INTS10: variants seen among roughly 807,000 people sequenced by gnomAD.
INTS10 encodes the protein chromosome 8 open reading frame 35.
Under a neutral mutation model 94.4 loss-of-function variants are expected in INTS10, and 44 were observed. The observed-to-expected ratio is 0.47, with a 90% CI of 0.37 to 0.60. INTS10 has a LOEUF of 0.60. INTS10 is among the 20% of genes least tolerant of loss of function. The probability of loss-of-function intolerance (pLI) is 0.00; values close to 1 mark genes in which losing one functional copy is unlikely to be tolerated. For synonymous variants in INTS10, 341 were observed against 320.7 expected, an observed-to-expected ratio of 1.06 and a Z score of -0.68; for missense variants, 797 against 868.7, an observed-to-expected ratio of 0.92 and a Z score of 1.04.
intron 12 of INTS10, among the ~76,000 whole-genome samples, chr8:19,835,645 C>T (rs1430824014): frequency 1.3e-5 from 2 of 152,116 alleles, no homozygotes; most frequent in Non-Finnish European, 2.9e-5. Flanking sequence ...TCTGTGACAT[C>T]GGTAGGTTAC....
rs193014714 is a variant in INTS10 at position 19,851,426 on chromosome 8, G to A, written c.1977-223G>A. 2.0e-5 allele frequency among the ~76,000 whole-genome samples: 3 copies of A among 152,342 alleles called. No individual in the cohort carries two copies. The East Asian group carries it at 5.8e-4, about 29-fold the overall frequency. On this transcript the variant is annotated intron_variant, in intron 16 of 16. Coordinates refer to ENST00000397977, the MANE Select transcript of INTS10 (RefSeq NM_018142.4). The surrounding 1 kb of genome is among the most constrained non-coding windows in gnomAD (Gnocchi z 5.0). ...TTTACTGAACAATTAAATGTTTGAA[G>A]TAACCTTTTATAGAGTGAGAAAGAT...
intron 13 of INTS10, among the ~76,000 whole-genome samples, chr8:19,839,966 G>A (rs1033116188): frequency 6.7e-6 from 1 of 149,466 alleles, no homozygotes. Context: ...AGGAGGTTGA[G>A]GTGGGAGAAT....
chr8:19,818,383 T>G (rs929952498), intron 2 of INTS10, 41 bp downstream of exon 2: 1 of 1,587,756 alleles, frequency 6.3e-7, no homozygotes, highest in African/African-American at 1.3e-5. Flanking sequence ...GCACTGAATC[T>G]CTCCATGAGG....
In INTS10 at chr8:19,843,460, A is replaced by C. The variant is rs2068305873; in HGVS notation, c.1719+533A>C. Among the ~76,000 whole-genome samples the C allele has an allele frequency of 6.6e-6, 1 of 152,208 alleles. No homozygotes were observed. Among genetic ancestry groups the C allele is most frequent in the African/African-American group, 2.4e-5 (1 of 41,452 alleles). On this transcript the variant is annotated intron_variant, in intron 14 of 16. Transcript: ENST00000397977. This position sits in a 1 kb window ranked among gnomAD's most constrained non-coding sequence, Gnocchi z 4.7. ...CTGGAAGGTTTGTTGGCCAGAGAGTAAAACATTGGGTCTCCACTTCAGTGC... is the reference window on the plus strand; with the variant it reads ...CTGGAAGGTTTGTTGGCCAGAGAGTCAAACATTGGGTCTCCACTTCAGTGC...
intron 9 of INTS10, among the ~76,000 whole-genome samples, chr8:19,829,402 G>T (rs924354749): frequency 6.6e-6 from 1 of 151,456 alleles, no homozygotes; most frequent in Admixed American, 6.6e-5. Flanking sequence ...TCTACCCAGC[G>T]GTATTTCCAA....
chr8:19,845,574 T>C (rs971477270), intron 15 of INTS10, 130 bp from the exon 16 acceptor site: 10 of 663,880 alleles, frequency 1.5e-5, no homozygotes, highest in African/African-American at 5.4e-5. Context: ...CATTTCCTTA[T>C]CAGAGAGAAC....
intron 1 of INTS10, 142 bp downstream of exon 1, chr8:19,817,808 C>T: frequency 9.3e-7 from 1 of 1,075,502 alleles, no homozygotes. Flanking sequence ...CCACCCCCTC[C>T]TCTCTCCCCT....
At position 19,843,059 on chromosome 8, in the gene INTS10, G is replaced by C. The variant is rs575396116; in HGVS notation, c.1719+132G>C. ...AGGGCAGGCCCAAACAGTTAGAAAA[G>C]CACATGGGCTACTAATTAACAAATC... is the stretch of plus-strand genomic sequence containing the variant. On this transcript the variant is annotated intron_variant, in intron 14 of 16. Transcript: ENST00000397977. The surrounding 1 kb of genome is among the most constrained non-coding windows in gnomAD (Gnocchi z 4.7). 97 of 641,452 alleles carry C rather than the reference G, an allele frequency of 1.5e-4. No homozygotes were observed. Among genetic ancestry groups the C allele is most frequent in the Non-Finnish European group, 2.4e-4 (88 of 363,420 alleles). 39.7% of individuals were successfully genotyped at this position (641,452 alleles called of 1,614,324 possible). A position where few individuals can be genotyped will look rare whatever the true frequency, so the allele number is the denominator to read the frequency against.
Position 19,820,403 on chromosome 8 carries a change from G to A in INTS10, c.326G>A (p.Arg109Gln), listed in dbSNP as rs1409479082. The change falls in exon 4 of 17, where the codon CGG becomes CAG. Residue 109 changes from arginine to glutamine, a missense_variant. Arg to Gln is a conservative substitution (Grantham distance 43, BLOSUM62 1). Around this residue, in one of 3 missense-constraint regions of INTS10, gnomAD observed 734 missense variants for 787.8 expected, o/e 0.93. Coordinates refer to ENST00000397977, the MANE Select transcript of INTS10 (RefSeq NM_018142.4). ...LRSLFETLPG[R>Q]VQCEMLLKVT... ...GGTTTATTTGAAACTCTTCCTGGTC[G>A]GGTCCAGTGTGAAATGTTACTAAAG... 3 of 1,611,008 alleles carry A rather than the reference G, an allele frequency of 1.9e-6. No homozygotes were observed. The highest frequency in any genetic ancestry group is 8.5e-7 in the Non-Finnish European group (1 of 1,177,818).
Position 19,849,762 on chromosome 8 carries a change from A to G in INTS10, c.1977-1887A>G, listed in dbSNP as rs2068870813. Among the ~76,000 whole-genome samples, 1 of 152,200 alleles carries G rather than the reference A, an allele frequency of 6.6e-6. No homozygotes were observed. Among genetic ancestry groups the G allele is most frequent in the African/African-American group, 2.4e-5 (1 of 41,438 alleles). Reference sequence around the variant, plus strand: ...AATTGAAAATATTTGATAGGCTAAAATGCCACATTTATTAGCTGGTTTATC... The same window carrying G: ...AATTGAAAATATTTGATAGGCTAAAGTGCCACATTTATTAGCTGGTTTATC... On this transcript the variant is annotated intron_variant, in intron 16 of 16. Coordinates refer to ENST00000397977, the MANE Select transcript of INTS10 (RefSeq NM_018142.4). This position sits in a 1 kb window ranked among gnomAD's most constrained non-coding sequence, Gnocchi z 4.6.
chr8:19,849,208 G>C lies in INTS10; in HGVS notation c.1977-2441G>C. 1 of 1,289,676 alleles carries C rather than the reference G, an allele frequency of 7.8e-7. No individual in the cohort carries two copies. Among genetic ancestry groups the C allele is most frequent in the Non-Finnish European group, 1.0e-6 (1 of 988,788 alleles). The allele number at this position is 1,289,676 out of a possible 1,614,324, so 79.9% of individuals were successfully genotyped here. ...GTTACTGCAGCAGGAATTCTTACCT[G>C]TGCTTCAGCCCAGCATACAGACTGC... On this transcript the variant is annotated intron_variant, in intron 16 of 16. Transcript: ENST00000397977. This position sits in a 1 kb window ranked among gnomAD's most constrained non-coding sequence, Gnocchi z 4.6.
rs371723527 is a variant in INTS10 at position 19,823,400 on chromosome 8, A to T, written c.623A>T (p.Asn208Ile). The T allele has an allele frequency of 6.2e-7, 1 of 1,606,472 alleles. No homozygotes were observed. Among genetic ancestry groups the T allele is most frequent in the African/African-American group, 1.3e-5 (1 of 74,780 alleles). Reference sequence around the variant, plus strand: ...AACAAAGCAGCTGAATTTTATATCAATTATGTCACTAGGTCTACTCAAATA... The same window carrying T: ...AACAAAGCAGCTGAATTTTATATCATTTATGTCACTAGGTCTACTCAAATA... Reference protein sequence around the residue: ...YLNKAAEFYINYVTRSTQIEN... With the variant: ...YLNKAAEFYIIYVTRSTQIEN... Residue 208 changes from asparagine (N) to isoleucine (I), a missense_variant, in exon 6 of 17, where the codon AAT becomes ATT. This residue lies in a region of INTS10 where 734 missense variants were observed against 787.8 expected (regional missense o/e 0.93). Transcript: ENST00000397977.
chr8:19,842,829 C>A lies in INTS10; in HGVS notation c.1640-19C>A. On this transcript the variant is annotated intron_variant, in intron 13 of 16. Coordinates refer to ENST00000397977, the MANE Select transcript of INTS10 (RefSeq NM_018142.4). Reference sequence around the variant, plus strand: ...TTGATAATAACATACATTAACCTAACATTGTGGACTTCTGTTAGGTTCGGA... The same window carrying A: ...TTGATAATAACATACATTAACCTAAAATTGTGGACTTCTGTTAGGTTCGGA... The A allele has an allele frequency of 6.4e-7, 1 of 1,570,440 alleles. No individual in the cohort carries two copies. Among genetic ancestry groups the A allele is most frequent in the Non-Finnish European group, 8.8e-7 (1 of 1,141,722 alleles).
chr8:19,829,365 AT>A (rs56091429), intron 9 of INTS10, among the ~76,000 whole-genome samples: 9,903 of 150,376 alleles, frequency 0.066, 386 homozygotes, highest in Non-Finnish European at 0.077. Flanking sequence ...TTACCTTTAC[AT>A]TTTTTTTTTT....
chr8:19,833,088 G>A (rs372545589), intron 11 of INTS10, 81 bp from the exon 12 acceptor site: 26 of 1,275,986 alleles, frequency 2.0e-5, no homozygotes, highest in Middle Eastern at 4.0e-4. Flanking sequence ...TCGTTGCTTC[G>A]TGAACCCTGG....
rs2068578901 is a variant in INTS10, at chr8:19,846,292, G to A, written c.1976+495G>A. Among the ~76,000 whole-genome samples, 1 of 151,948 alleles carries A rather than the reference G, an allele frequency of 6.6e-6. No individual in the cohort carries two copies. The highest frequency in any genetic ancestry group is 6.6e-5 in the Admixed American group (1 of 15,236). The stretch of plus-strand genomic sequence containing the variant: ...CAAAAAAAAAAAAAAAATTATGTGG[G>A]CATGATAGTGGGCACCTGTAATCCC... On this transcript the variant is annotated intron_variant, in intron 16 of 16. Transcript: ENST00000397977. This position sits in a 1 kb window ranked among gnomAD's most constrained non-coding sequence, Gnocchi z 4.2.
rs2067734021 is a variant in INTS10, at chr8:19,837,215, A to AC, written c.1639+56dup. On this transcript the variant is annotated intron_variant, in intron 13 of 16. Coordinates refer to ENST00000397977, the MANE Select transcript of INTS10 (RefSeq NM_018142.4). ...TAAAAATAGCTTTAGAAAGCCAGGC[A>AC]CGGTGGCTCACACTTGTAATCTCAG... is the stretch of plus-strand genomic sequence containing the variant. 5.5e-6 allele frequency: 6 copies of AC among 1,087,936 alleles called. No homozygotes were observed. The Admixed American group carries it at 1.1e-4, about 20-fold the overall frequency. 67.4% of individuals were successfully genotyped at this position (1,087,936 alleles called of 1,614,324 possible). A position where few individuals can be genotyped will look rare whatever the true frequency, so the allele number is the denominator to read the frequency against.
At chr8:19,835,460 A>T (rs530520232) in intron 12 of INTS10, among the ~76,000 whole-genome samples, 1 of 152,192 alleles carries the variant, frequency 6.6e-6, no homozygotes. Context: ...AAGACAATGA[A>T]AAAAACAAAT....
chr8:19,830,613 G>T, intron 10 of INTS10, 54 bp downstream of exon 10: 1 of 1,493,890 alleles, frequency 6.7e-7, no homozygotes, highest in South Asian at 1.2e-5. Flanking sequence ...AAATCATTAC[G>T]CTACTTCAAA....
Sources: gnomAD v4.1 joint callset for allele counts (sites outside exome capture counted in the v4.1 genomes callset) on GRCh38, gnomAD v4.1.1 for gene constraint, gnomAD v4.1.1 regional missense constraint, Gnocchi (gnomAD v3.1) non-coding constraint, MANE v1.5 for transcripts, NCBI Gene and HGNC (gene_info 2026-07-23, HGNC 2026-07-21) for gene names.